GFPT1: variants seen among roughly 807,000 people sequenced by gnomAD.
The protein encoded by GFPT1 is glutamine--fructose-6-phosphate transaminase 1, also known as glutamine--fructose-6-phosphate aminotransferase [isomerizing] 1.
Under a neutral mutation model 92.0 loss-of-function variants are expected in GFPT1, and 40 were observed. That is an observed-to-expected ratio of 0.43 (90% CI 0.34 to 0.57). The LOEUF is 0.57. Among genes scored for constraint, GFPT1 ranks in the 20% least tolerant of loss-of-function variants. GFPT1 has a pLI of 0.02. For missense variants in GFPT1, 448 were observed against 869.1 expected (o/e 0.52, Z 6.09); for synonymous variants, 269 against 280.6 (o/e 0.96, Z 0.41).
rs930991822 is a variant in GFPT1 at position 69,325,040 on chromosome 2, A to G, written c.*1149T>C. The G allele has an allele frequency of 6.6e-6, 1 of 152,200 alleles. No homozygotes were observed. The highest frequency in any genetic ancestry group is 2.4e-5 in the African/African-American group (1 of 41,464). 9.4% of individuals were successfully genotyped at this position (152,200 alleles called of 1,614,324 possible). A position where few individuals can be genotyped will look rare whatever the true frequency, so the allele number is the denominator to read the frequency against. ...GAAGAGGAAAAATACTTAGGATACA[A>G]TACTAAATTTGGTGCCTATCAGTGT... On this transcript the variant is annotated 3_prime_UTR_variant, in exon 20 of 20. Transcript: ENST00000357308.
At chr2:69,344,008 A>C (rs1010850646) in intron 12 of GFPT1, among the ~76,000 whole-genome samples, 1 of 152,086 alleles carries the variant, frequency 6.6e-6, no homozygotes, top group African/African-American at 2.4e-5. Flanking sequence ...CTCAGGCCAC[A>C]CCAGCCAGAC....
chr2:69,349,605 T>C (rs1449914309), intron 10 of GFPT1, among the ~76,000 whole-genome samples: 8 of 152,232 alleles, frequency 5.3e-5, no homozygotes, highest in Admixed American at 5.2e-4. Flanking sequence ...GCATTTTCTC[T>C]CAAAATATCT....
At position 69,365,303 on chromosome 2, in the gene GFPT1, C is replaced by A. The variant is rs553797027; in HGVS notation, c.224-1633G>T. Among the ~76,000 whole-genome samples the A allele has an allele frequency of 2.0e-5, 3 of 152,046 alleles. No individual in the cohort carries two copies. The South Asian group carries it at 6.2e-4, about 32-fold the overall frequency. ...GACCAGCCTGGCCAACATGGTGAAA[C>A]CCTGTCTCTACTGAAAAAATTAGCT... On this transcript the variant is annotated intron_variant, in intron 3 of 19. Transcript: ENST00000357308.
chr2:69,327,128 G>T lies in GFPT1; in HGVS notation c.1894-53C>A, dbSNP rs10180609. The T allele has an allele frequency of 2.3e-3, 3,598 of 1,562,086 alleles. 77 individuals carry two copies. In the African/African-American group the frequency reaches 0.044, roughly 19 times the overall value. Reference sequence around the variant, plus strand: ...AACATCACTGGTGGGCAAAGGCAGGGCTATAGCTTACGAATGTGCAAAAAT... The same window carrying T: ...AACATCACTGGTGGGCAAAGGCAGGTCTATAGCTTACGAATGTGCAAAAAT... On this transcript the variant is annotated intron_variant, in intron 18 of 19. Transcript: ENST00000357308.
At chr2:69,385,684 G>A (rs1023223299) in intron 1 of GFPT1, among the ~76,000 whole-genome samples, 1 of 152,010 alleles carries the variant, frequency 6.6e-6, no homozygotes, top group African/African-American at 2.4e-5. Flanking sequence ...GCACACTGGA[G>A]ATTGACCAGT....
rs1458003093 is a variant in GFPT1, at chr2:69,321,365, A to C, written c.*4824T>G. On this transcript the variant is annotated 3_prime_UTR_variant, in exon 20 of 20. Transcript: ENST00000357308. The stretch of plus-strand genomic sequence containing the variant: ...GGTAATATTTAGGCAGTGATTTCTT[A>C]TTCTTAAAATCAACAGTAATGAATA... 1 of 152,210 alleles carries C rather than the reference A, an allele frequency of 6.6e-6. No individual in the cohort carries two copies. The highest frequency in any genetic ancestry group is 1.5e-5 in the Non-Finnish European group (1 of 68,034). The allele number at this position is 152,210 out of a possible 1,614,324, so 9.4% of individuals were successfully genotyped here. A position where few individuals can be genotyped will look rare whatever the true frequency, so the allele number is the denominator to read the frequency against.
intron 7 of GFPT1, among the ~76,000 whole-genome samples, chr2:69,355,466 T>C (rs1477593474): frequency 6.6e-6 from 1 of 152,176 alleles, no homozygotes; most frequent in Non-Finnish European, 1.5e-5. Context: ...AACATACCCA[T>C]GCCCATTCTT....
intron 15 of GFPT1, chr2:69,334,611 T>C (rs1670748493): frequency 6.6e-6 from 1 of 152,232 alleles, no homozygotes; most frequent in Non-Finnish European, 1.5e-5. Context: ...GGTAGTCCAA[T>C]AGTGGGTCAC....
chr2:69,372,114 T>G (rs1314299151), intron 2 of GFPT1, among the ~76,000 whole-genome samples: 1 of 143,580 alleles, frequency 7.0e-6, no homozygotes, highest in East Asian at 2.1e-4. Flanking sequence ...GCAGGAGAAT[T>G]GCTTGAACTC....
At chr2:69,370,647 G>A (rs1293372554) in intron 2 of GFPT1, among the ~76,000 whole-genome samples, 1 of 151,278 alleles carries the variant, frequency 6.6e-6, no homozygotes, top group East Asian at 2.0e-4. Context: ...ACGGAAGGAA[G>A]AAACCAGCTG....
At chr2:69,341,499 A>C (rs1248084929) in intron 13 of GFPT1, among the ~76,000 whole-genome samples, 1 of 152,182 alleles carries the variant, frequency 6.6e-6, no homozygotes, top group East Asian at 1.9e-4. Context: ...TCAATCCTAA[A>C]AGCAGAAATT....
At chr2:69,364,634 C>G (rs1671563594) in intron 3 of GFPT1, among the ~76,000 whole-genome samples, 1 of 152,178 alleles carries the variant, frequency 6.6e-6, no homozygotes, top group Non-Finnish European at 1.5e-5. Context: ...TATTTAAGAA[C>G]CGAGCAATGC....
At chr2:69,340,588 T>C (rs902822550) in intron 13 of GFPT1, among the ~76,000 whole-genome samples, 5 of 152,130 alleles carry the variant, frequency 3.3e-5, no homozygotes, top group African/African-American at 4.8e-5. Context: ...TTGCAACCTC[T>C]GGCATAAATG....
chr2:69,364,000 G>A (rs1304022312), intron 3 of GFPT1, among the ~76,000 whole-genome samples: 1 of 151,872 alleles, frequency 6.6e-6, no homozygotes, highest in African/African-American at 2.4e-5. Context: ...CTGTAGTCCT[G>A]GCTACTCCGG....
At chr2:69,342,546 G>C (rs1226170209) in intron 12 of GFPT1, among the ~76,000 whole-genome samples, 1 of 152,112 alleles carries the variant, frequency 6.6e-6, no homozygotes, top group Non-Finnish European at 1.5e-5. Flanking sequence ...CTCTTTGAAA[G>C]TTATCTTAAA....
In GFPT1 at chr2:69,348,002, A is replaced by G. The variant is rs528300162; in HGVS notation, c.1009+169T>C. ...TTAGTTTGAAGACGATTGTAAAAAC[A>G]GCAGATAATTTCTCTAAAGAATCAT... is the stretch of plus-strand genomic sequence containing the variant. On this transcript the variant is annotated intron_variant, in intron 11 of 19. Transcript: ENST00000357308. 3.3e-5 allele frequency among the ~76,000 whole-genome samples: 5 copies of G among 152,388 alleles called. No individual in the cohort carries two copies. In the South Asian group the frequency reaches 1.0e-3, roughly 32 times the overall value.
rs568491194 is a variant in GFPT1, at chr2:69,387,151, A to G, written c.-80T>C. The G allele has an allele frequency of 4.8e-6, 7 of 1,459,660 alleles. No homozygotes were observed. Among genetic ancestry groups the G allele is most frequent in the East Asian group, 2.9e-5 (1 of 34,330 alleles). The allele number at this position is 1,459,660 out of a possible 1,614,324, so 90.4% of individuals were successfully genotyped here. ...GTGCACACACGAGCTTCGGTGGGCA[A>G]TCTGCGGGCTCGGGGGCCGGGGTGG... On this transcript the variant is annotated 5_prime_UTR_variant, in exon 1 of 20. Coordinates refer to ENST00000357308, the MANE Select transcript of GFPT1 (RefSeq NM_001244710.2).
In GFPT1 at chr2:69,324,691, G is replaced by A. The variant is rs1367222617; in HGVS notation, c.*1498C>T. On this transcript the variant is annotated 3_prime_UTR_variant, in exon 20 of 20. Transcript: ENST00000357308. ...AGTTAAAACAAGAAAAGAAAGAAAA[G>A]AAAGGAAAAAACAGCTTACTTAAAT... 2 of 151,834 alleles carry A rather than the reference G, an allele frequency of 1.3e-5. No individual in the cohort carries two copies. Among genetic ancestry groups the A allele is most frequent in the Non-Finnish European group, 2.9e-5 (2 of 67,924 alleles). The allele number at this position is 151,834 out of a possible 1,614,324, so 9.4% of individuals were successfully genotyped here.
intron 15 of GFPT1, among the ~76,000 whole-genome samples, chr2:69,332,580 C>T (rs1401772274): frequency 6.6e-6 from 1 of 152,022 alleles, no homozygotes; most frequent in African/African-American, 2.4e-5. Flanking sequence ...GCTGGGATTA[C>T]AAGCATGAGC....
Sources: gnomAD v4.1 joint callset for allele counts (sites outside exome capture counted in the v4.1 genomes callset) on GRCh38, gnomAD v4.1.1 for gene constraint, MANE v1.5 for transcripts, NCBI Gene and HGNC (gene_info 2026-07-23, HGNC 2026-07-21) for gene names.